The following DMXL1 variants were observed in gnomAD, a reference collection of about 807,000 sequenced individuals.
The protein encoded by DMXL1 is dmX-like protein 1.
Under a neutral mutation model 319.2 loss-of-function variants are expected in DMXL1, and 99 were observed. The observed-to-expected ratio is 0.31, with a 90% CI of 0.26 to 0.37. DMXL1 has a LOEUF of 0.37. Ranked by LOEUF, DMXL1 falls within the 10% of genes least tolerant of loss-of-function variation. The pLI is 1.00. For synonymous variants in DMXL1, 1,385 were observed against 1,235.2 expected (o/e 1.12, Z -2.54); for missense variants, 3,745 against 3,595.6 (o/e 1.04, Z -1.06).
intron 23 of DMXL1, among the ~76,000 whole-genome samples, chr5:119,169,339 G>C (rs1229164653): frequency 6.6e-6 from 1 of 152,190 alleles, no homozygotes; most frequent in Non-Finnish European, 1.5e-5. Context: ...TTGGAATGGA[G>C]GCAGAGAGAT....
In DMXL1 at chr5:119,121,072, GAACACTCCAC is replaced by G; in HGVS notation, c.1036_1045del (p.Asn346CysfsTer30). On this transcript the variant is annotated frameshift_variant, in exon 9 of 44. Coordinates refer to ENST00000539542, the MANE Select transcript of DMXL1 (RefSeq NM_001290321.3). LOFTEE classifies it high-confidence loss of function. ...AGCAGGATCCTCATCATGTTCACAG[GAACACTCCAC>G]TGCATGCCAATGCACTTTGCCACTT... The G allele has an allele frequency of 6.2e-7, 1 of 1,613,346 alleles. No individual in the cohort carries two copies. The highest frequency in any genetic ancestry group is 2.2e-5 in the East Asian group (1 of 44,832).
At chr5:119,188,361 G>A (rs1359313924) in intron 28 of DMXL1, among the ~76,000 whole-genome samples, 2 of 151,286 alleles carry the variant, frequency 1.3e-5, no homozygotes, top group South Asian at 2.1e-4. Flanking sequence ...TTGAGTCAAG[G>A]GATTAAATCC....
At position 119,197,807 on chromosome 5, in the gene DMXL1, T is replaced by G; in HGVS notation, c.7596T>G (p.Cys2532Trp). 6.2e-7 allele frequency: 1 copy of G among 1,614,200 alleles called. No individual in the cohort carries two copies. ...ATGCGGTTCTAAAAACTCTTCAATG[T>G]TGGGAACAAGTTCTTCTCCGACGAC... Reference protein sequence around the residue: ...LCHAVLKTLQCWEQVLLRRLE... With the variant: ...LCHAVLKTLQWWEQVLLRRLE... The change falls in exon 32 of 44, where the codon TGT becomes TGG. Residue 2532 changes from cysteine to tryptophan, a missense_variant. Cys to Trp is a radical substitution (Grantham distance 215). Coordinates refer to ENST00000539542, the MANE Select transcript of DMXL1 (RefSeq NM_001290321.3).
intron 39 of DMXL1, among the ~76,000 whole-genome samples, chr5:119,235,292 A>G: frequency 6.6e-6 from 1 of 152,298 alleles, no homozygotes; most frequent in Middle Eastern, 3.4e-3. Flanking sequence ...ATTCAAGAAT[A>G]TATTACATTT....
chr5:119,209,420 G>A (rs1284407471), intron 34 of DMXL1, among the ~76,000 whole-genome samples: 1 of 151,492 alleles, frequency 6.6e-6, no homozygotes, highest in African/African-American at 2.4e-5. Flanking sequence ...TGTGATTGCG[G>A]CTCACTGCAG....
At chr5:119,154,449 A>G (rs1248747247) in intron 19 of DMXL1, among the ~76,000 whole-genome samples, 1 of 152,246 alleles carries the variant, frequency 6.6e-6, no homozygotes, top group African/African-American at 2.4e-5. Flanking sequence ...AGTGGTCTAG[A>G]TGGATCGAAC....
At chr5:119,093,911 C>T (rs1245378643) in intron 1 of DMXL1, among the ~76,000 whole-genome samples, 1 of 152,176 alleles carries the variant, frequency 6.6e-6, no homozygotes, top group Non-Finnish European at 1.5e-5. Flanking sequence ...TAACTCTTCT[C>T]AATTCCGTGA....
At chr5:119,240,022 G>A (rs1285214808) in intron 41 of DMXL1, among the ~76,000 whole-genome samples, 1 of 150,522 alleles carries the variant, frequency 6.6e-6, no homozygotes, top group Non-Finnish European at 1.5e-5. Context: ...TAATCCCAGT[G>A]CCTTGGCAGG....
rs754348744 is a variant in DMXL1 at position 119,170,411 on chromosome 5, G to T, written c.5620G>T (p.Ala1874Ser). The change falls in exon 24 of 44, where the codon GCT (alanine) becomes TCT (serine). Residue 1874 changes from alanine (A) to serine (S), a missense_variant. Ala to Ser is a moderately conservative substitution (Grantham distance 99). This residue lies in a region of DMXL1 where 1,382 missense variants were observed against 1,269.5 expected (regional missense o/e 1.09). Transcript: ENST00000539542. ...AHLKAGCPML[A>S]LEVLSKMPKV... ...TTTAAAAGCTGGCTGCCCAATGTTG[G>T]CTTTGGAAGTATTATCAAAGATGCC... 1.7e-5 allele frequency: 27 copies of T among 1,613,790 alleles called. No homozygotes were observed. The highest frequency in any genetic ancestry group is 2.0e-5 in the Non-Finnish European group (24 of 1,179,932).
At chr5:119,186,710 T>TG (rs748850761) in intron 28 of DMXL1, among the ~76,000 whole-genome samples, 1 of 152,214 alleles carries the variant, frequency 6.6e-6, no homozygotes, top group Non-Finnish European at 1.5e-5. Context: ...CCCTTCCCTA[T>TG]GTGTAGCCTG....
intron 9 of DMXL1, chr5:119,128,316 C>T: frequency 3.5e-6 from 1 of 287,810 alleles, no homozygotes. Context: ...ACCCTCTCTT[C>T]ACTGATTTTC....
chr5:119,210,048 A>G (rs936618974), intron 34 of DMXL1, among the ~76,000 whole-genome samples: 7 of 152,052 alleles, frequency 4.6e-5, no homozygotes, highest in African/African-American at 1.7e-4. Context: ...GGCTCACTGC[A>G]ATCTCCACCT....
At chr5:119,094,660 GACAA>G (rs965496226) in intron 1 of DMXL1, among the ~76,000 whole-genome samples, 4 of 152,038 alleles carry the variant, frequency 2.6e-5, no homozygotes, top group African/African-American at 4.8e-5. Context: ...GATTGATCTG[GACAA>G]AGTAAATTGA....
intron 33 of DMXL1, among the ~76,000 whole-genome samples, chr5:119,203,970 C>T (rs1781291309): frequency 6.6e-6 from 1 of 151,348 alleles, no homozygotes; most frequent in African/African-American, 2.4e-5. Context: ...CTACAGGTGC[C>T]CGCCACCACG....
intron 9 of DMXL1, among the ~76,000 whole-genome samples, chr5:119,126,217 A>G (rs1474228831): frequency 6.6e-6 from 1 of 152,176 alleles, no homozygotes; most frequent in African/African-American, 2.4e-5. Flanking sequence ...TGGGAGGCGG[A>G]GGTTGTAGTG....
chr5:119,169,966 TTCAATGG>T (rs1774219545), intron 23 of DMXL1, among the ~76,000 whole-genome samples: 1 of 152,220 alleles, frequency 6.6e-6, no homozygotes, highest in Admixed American at 6.5e-5. Flanking sequence ...AGAGACTTGT[TTCAATGG>T]GAAAGCATCA....
intron 32 of DMXL1, among the ~76,000 whole-genome samples, chr5:119,199,753 T>C (rs1473983826): frequency 3.3e-5 from 5 of 152,188 alleles, no homozygotes; most frequent in Admixed American, 3.3e-4. Flanking sequence ...TAATCTGTTA[T>C]TTTTAAATGA....
At chr5:119,194,284 A>G (rs1779211434) in intron 30 of DMXL1, among the ~76,000 whole-genome samples, 1 of 152,190 alleles carries the variant, frequency 6.6e-6, no homozygotes, top group South Asian at 2.1e-4. Flanking sequence ...TCTTGCTCCA[A>G]GATTATACCT....
chr5:119,126,695 T>C, intron 9 of DMXL1: 1 of 153,112 alleles, frequency 6.5e-6, no homozygotes. Context: ...CAGATTCATC[T>C]AACACTGATG....
Sources: gnomAD v4.1 joint callset for allele counts (sites outside exome capture counted in the v4.1 genomes callset) on GRCh38, gnomAD v4.1.1 for gene constraint, gnomAD v4.1.1 regional missense constraint, MANE v1.5 for transcripts, NCBI Gene and HGNC (gene_info 2026-07-23, HGNC 2026-07-21) for gene names.